PWWP3A: variants seen among roughly 807,000 people sequenced by gnomAD.
The protein encoded by PWWP3A is PWWP domain-containing DNA repair factor 3A.
In PWWP3A, 53 loss-of-function variants were observed where a neutral mutation model predicts 79.0. That is an observed-to-expected ratio of 0.67 (90% CI 0.54 to 0.84). The LOEUF is 0.84. Among genes scored for constraint, PWWP3A ranks in the 40% least tolerant of loss-of-function variants. The pLI is 0.00. For missense variants in PWWP3A, 973 were observed against 948.0 expected, an observed-to-expected ratio of 1.03 and a Z score of -0.35; for synonymous variants, 443 against 394.4, an observed-to-expected ratio of 1.12 and a Z score of -1.46.
chr19:1,375,525 T>TATATTATATATAA (rs1568965078), intron 13 of PWWP3A, among the ~76,000 whole-genome samples: 3 of 6,926 alleles, frequency 4.3e-4, no homozygotes, highest in Non-Finnish European at 8.6e-4. Flanking sequence ...TAAAATCATA[T>TATATTATATATAA]AATTTATATA....
At chr19:1,364,309 C>T in intron 6 of PWWP3A, 200 bp from the exon 7 acceptor site, 1 of 687,256 alleles carries the variant, frequency 1.5e-6, no homozygotes, top group South Asian at 1.5e-5. Context: ...ACTGTCTCAT[C>T]ATTGGTGGTT....
intron 8 of PWWP3A, 119 bp downstream of exon 8, chr19:1,366,500 C>A: frequency 2.3e-6 from 2 of 882,856 alleles, no homozygotes; most frequent in Non-Finnish European, 1.9e-6. Context: ...GAGTCCAGGC[C>A]CGGGCAGGGC....
At position 1,364,405 on chromosome 19, in the gene PWWP3A, A is replaced by G. The variant is rs1036422445; in HGVS notation, c.1214-104A>G. On this transcript the variant is annotated intron_variant, in intron 6 of 13. Coordinates refer to ENST00000591337, the MANE Select transcript of PWWP3A (RefSeq NM_001369789.1). ...AATGACACAAAGTCAGGTTTTAACA[A>G]TATCGTGCTAACTGTGTTTTCTCAG... 4.0e-5 allele frequency: 33 copies of G among 821,968 alleles called. No individual in the cohort carries two copies. The African/African-American group carries it at 5.0e-4, about 12-fold the overall frequency. The allele number at this position is 821,968 out of a possible 1,614,324, so 50.9% of individuals were successfully genotyped here.
chr19:1,362,796 G>A (rs750122042), intron 6 of PWWP3A, among the ~76,000 whole-genome samples: 7 of 152,212 alleles, frequency 4.6e-5, no homozygotes, highest in South Asian at 2.1e-4. Flanking sequence ...CTGCTCCCGC[G>A]CCCCTCCTGT....
rs777502023 is a variant in PWWP3A at position 1,358,425 on chromosome 19, C to T, written c.175C>T (p.Leu59=). ...GGTGAAAAGCACTGAAGTTGAGATC[C>T]TAGAGAAGTCTCAAATTGAAGCCAT... ...IKVKSTEVEI[L]EKSQIEAIAS... is the part of the protein sequence containing the mutation. Residue 59 remains leucine, a synonymous_variant, in exon 4 of 14, where the codon CTA becomes TTA. Transcript: ENST00000591337. The T allele has an allele frequency of 3.1e-6, 5 of 1,614,074 alleles. No homozygotes were observed. The highest frequency in any genetic ancestry group is 2.2e-5 in the South Asian group (2 of 91,054).
chr19:1,376,188 T>G (rs943250176), intron 13 of PWWP3A, among the ~76,000 whole-genome samples: 1 of 149,540 alleles, frequency 6.7e-6, no homozygotes, highest in Non-Finnish European at 1.5e-5. Context: ...TACAATGGCA[T>G]GATCTTGGCT....
rs918500335 is a variant in PWWP3A at position 1,374,663 on chromosome 19, G to T, written c.2075+1503G>T. On this transcript the variant is annotated intron_variant, in intron 13 of 13. Coordinates refer to ENST00000591337, the MANE Select transcript of PWWP3A (RefSeq NM_001369789.1). ...CAGGGCAGCCCTATTGCTGAGAGGG[G>T]TTGCTAGCTAAGCAATTGTTATAAT... Among the ~76,000 whole-genome samples the T allele has an allele frequency of 1.1e-4, 16 of 152,316 alleles. No homozygotes were observed. The East Asian group carries it at 3.1e-3, about 29-fold the overall frequency.
chr19:1,363,973 C>T (rs2082075016), intron 6 of PWWP3A, among the ~76,000 whole-genome samples: 1 of 152,080 alleles, frequency 6.6e-6, no homozygotes, highest in South Asian at 2.1e-4. Flanking sequence ...TTAAATAATT[C>T]ACTTGTTTTT....
At chr19:1,362,185 T>G in intron 5 of PWWP3A, 65 bp from the exon 6 acceptor site, 1 of 1,397,872 alleles carries the variant, frequency 7.2e-7, no homozygotes, top group Non-Finnish European at 9.9e-7. Flanking sequence ...CATGAAATGT[T>G]TTCTTGGGAT....
intron 5 of PWWP3A, among the ~76,000 whole-genome samples, chr19:1,361,241 T>C (rs181435550): frequency 5.3e-5 from 8 of 152,338 alleles, no homozygotes; most frequent in Admixed American, 3.9e-4. Context: ...TGTCTTCTTA[T>C]TTTTGTTTAG....
intron 3 of PWWP3A, 159 bp downstream of exon 3, chr19:1,357,253 CA>C (rs1397901259): frequency 1.8e-6 from 1 of 570,348 alleles, no homozygotes; most frequent in Non-Finnish European, 3.1e-6. Flanking sequence ...CATGAGAAAG[CA>C]ACTAGTTTGA....
intron 13 of PWWP3A, among the ~76,000 whole-genome samples, chr19:1,374,584 A>G (rs1366810633): frequency 6.6e-6 from 1 of 151,858 alleles, no homozygotes; most frequent in Non-Finnish European, 1.5e-5. Context: ...CCCTATTTCC[A>G]GGTCTGCTGG....
rs2082409097 is a variant in PWWP3A, at chr19:1,376,624, T to C, written c.*48T>C. The C allele has an allele frequency of 6.3e-7, 1 of 1,593,030 alleles. No homozygotes were observed. Among genetic ancestry groups the C allele is most frequent in the Non-Finnish European group, 8.6e-7 (1 of 1,162,524 alleles). On this transcript the variant is annotated 3_prime_UTR_variant, in exon 14 of 14. Coordinates refer to ENST00000591337, the MANE Select transcript of PWWP3A (RefSeq NM_001369789.1). ...AGCGGGGCCTGGCGGTGGAAGCGCC[T>C]CCAGTGTGCATGAGCGTGTCTGAAG...
chr19:1,373,257 C>A, intron 13 of PWWP3A, 97 bp downstream of exon 13: 2 of 1,077,484 alleles, frequency 1.9e-6, no homozygotes, highest in Non-Finnish European at 2.8e-6. Context: ...GCTGCCGCAG[C>A]CCCTCTCCCT....
chr19:1,360,557 T>C lies in PWWP3A; in HGVS notation c.636T>C (p.Thr212=). The part of the protein sequence containing the change: ...SGSRIHHKNW[T]LASKRGGNSA... The stretch of plus-strand genomic sequence containing the variant: ...CCAGAATCCACCACAAAAATTGGAC[T>C]CTTGCAAGTAAGAGGGGAGGAAACT... Residue 212 remains threonine, a synonymous_variant, in exon 5 of 14, where the codon ACT becomes ACC. Transcript: ENST00000591337. This position sits in a 1 kb window ranked among gnomAD's most constrained non-coding sequence, Gnocchi z 4.4. 3 of 1,614,172 alleles carry C rather than the reference T, an allele frequency of 1.9e-6. No individual in the cohort carries two copies. The highest frequency in any genetic ancestry group is 2.5e-6 in the Non-Finnish European group (3 of 1,180,038).
In PWWP3A at chr19:1,362,253, G is replaced by C. The variant is rs774232238; in HGVS notation, c.1115G>C (p.Cys372Ser). 6.2e-7 allele frequency: 1 copy of C among 1,610,296 alleles called. No individual in the cohort carries two copies. The highest frequency in any genetic ancestry group is 1.3e-5 in the African/African-American group (1 of 74,740). ...CPDSQKLEKE[C>S]QSSEESMGSN... ...TCTAATATCACATTATTGGCAGAGT[G>C]CCAGTCTTCCGAAGAGTCCATGGGG... The change falls in exon 6 of 14, where the codon TGC becomes TCC. Residue 372 changes from cysteine to serine, a missense_variant. Transcript: ENST00000591337.
In PWWP3A at chr19:1,360,896, AT is replaced by A; in HGVS notation, c.976del (p.Ser326ProfsTer12). The A allele has an allele frequency of 6.5e-7, 1 of 1,542,560 alleles. No homozygotes were observed. Among genetic ancestry groups the A allele is most frequent in the South Asian group, 1.2e-5 (1 of 83,440 alleles). ...AGCCCATGGCAGCAGGGGCCGCACC[AT>A]CCCCCGGGCCGGGGCCAGGGCCCAG... ...LEPMAAGAAP[S>X]PGPGPGPRES... On this transcript the variant is annotated frameshift_variant, in exon 5 of 14. Transcript: ENST00000591337. LOFTEE classifies it high-confidence loss of function. This position sits in a 1 kb window ranked among gnomAD's most constrained non-coding sequence, Gnocchi z 4.4.
chr19:1,375,086 G>T (rs1056003630), intron 13 of PWWP3A, among the ~76,000 whole-genome samples: 2 of 151,384 alleles, frequency 1.3e-5, no homozygotes, highest in Non-Finnish European at 2.9e-5. Flanking sequence ...AAGCATGGTG[G>T]CACGCGCCTA....
At chr19:1,357,883 C>A in intron 3 of PWWP3A, 1 of 158,520 alleles carries the variant, frequency 6.3e-6, no homozygotes, top group South Asian at 1.9e-4. Context: ...CCTTGTGGAG[C>A]TCCCCCTGCC....
Sources: gnomAD v4.1 joint callset for allele counts (sites outside exome capture counted in the v4.1 genomes callset) on GRCh38, gnomAD v4.1.1 for gene constraint, Gnocchi (gnomAD v3.1) non-coding constraint, MANE v1.5 for transcripts, NCBI Gene and HGNC (gene_info 2026-07-23, HGNC 2026-07-21) for gene names.